Variants in ICA1 observed in about 807,000 individuals in gnomAD.
The protein encoded by ICA1 is 69 kDa islet cell autoantigen.
A neutral mutation model predicts 71.0 loss-of-function variants in ICA1; 40 were observed. That is an observed-to-expected ratio of 0.56 (90% CI 0.44 to 0.73). The LOEUF (loss-of-function observed/expected upper bound fraction) is 0.73. ICA1 is among the 30% of genes least tolerant of loss of function. ICA1 has a pLI of 0.00. For synonymous variants in ICA1, 207 were observed against 209.5 expected (o/e 0.99, Z 0.10); for missense variants, 578 against 576.5 (o/e 1.00, Z -0.03).
At chr7:8,141,704 C>G in intron 10 of ICA1, 61 bp downstream of exon 10, 1 of 1,053,414 alleles carries the variant, frequency 9.5e-7, no homozygotes, top group Non-Finnish European at 1.4e-6. Flanking sequence ...AGTAAAATGA[C>G]TTGGCTGTTA....
intron 13 of ICA1, among the ~76,000 whole-genome samples, chr7:8,125,765 C>T (rs1788932354): frequency 6.6e-6 from 1 of 152,162 alleles, no homozygotes; most frequent in Non-Finnish European, 1.5e-5. Flanking sequence ...GAGAGACTTG[C>T]TAAAGTGCTA....
chr7:8,126,538 TA>T (rs543328549), intron 13 of ICA1, among the ~76,000 whole-genome samples: 1 of 151,258 alleles, frequency 6.6e-6, no homozygotes, highest in Non-Finnish European at 1.5e-5. Context: ...GTATTTCATT[TA>T]AAAAAAAAGA....
intron 6 of ICA1, among the ~76,000 whole-genome samples, chr7:8,199,064 A>T (rs1216097040): frequency 6.6e-6 from 1 of 152,228 alleles, no homozygotes; most frequent in East Asian, 1.9e-4. Flanking sequence ...CCCCAGTTAA[A>T]ATGGCCTTTA....
intron 6 of ICA1, among the ~76,000 whole-genome samples, chr7:8,175,494 C>A (rs1243550239): frequency 1.3e-5 from 2 of 151,760 alleles, no homozygotes; most frequent in African/African-American, 4.9e-5. Flanking sequence ...ACTCCCTTCG[C>A]ATGCATGAAA....
intron 1 of ICA1, among the ~76,000 whole-genome samples, chr7:8,261,387 G>C (rs967375402): frequency 4.6e-5 from 7 of 152,124 alleles, no homozygotes; most frequent in Admixed American, 6.5e-5. Flanking sequence ...GAGGAAGCAG[G>C]AGCTGCAATA....
At position 8,221,240 on chromosome 7, in the gene ICA1, T is replaced by TC; in HGVS notation, c.380+34dup. ...AGGTGGGTCCCGGAGTCTCCTCAGATCCCCCCAGATAGAACCCCACTAAAG... is the reference window on the plus strand; with the variant it reads ...AGGTGGGTCCCGGAGTCTCCTCAGATCCCCCCCAGATAGAACCCCACTAAAG... On this transcript the variant is annotated intron_variant, in intron 5 of 13. Coordinates refer to ENST00000402384, the MANE Select transcript of ICA1 (RefSeq NM_001136020.3). The TC allele has an allele frequency of 4.3e-6, 7 of 1,611,608 alleles. No individual in the cohort carries two copies. The South Asian group carries it at 5.5e-5, about 13-fold the overall frequency.
At chr7:8,257,440 A>G (rs1224103032) in intron 1 of ICA1, among the ~76,000 whole-genome samples, 1 of 152,192 alleles carries the variant, frequency 6.6e-6, no homozygotes, top group Non-Finnish European at 1.5e-5. Context: ...ATACTCTTGG[A>G]ACATTGTTGC....
At chr7:8,116,027 T>C (rs915024264) in intron 13 of ICA1, among the ~76,000 whole-genome samples, 3 of 152,194 alleles carry the variant, frequency 2.0e-5, no homozygotes, top group African/African-American at 4.8e-5. Context: ...TTAGGTACAA[T>C]TTGATAAAGG....
intron 8 of ICA1, among the ~76,000 whole-genome samples, chr7:8,153,933 G>C (rs1800584635): frequency 6.6e-6 from 1 of 150,406 alleles, no homozygotes; most frequent in Admixed American, 6.7e-5. Flanking sequence ...TTTGTCATTG[G>C]AAACCACTTA....
At chr7:8,193,076 T>C (rs1374525532) in intron 6 of ICA1, among the ~76,000 whole-genome samples, 2 of 152,242 alleles carry the variant, frequency 1.3e-5, no homozygotes, top group Non-Finnish European at 2.9e-5. Context: ...ATATGCTCAC[T>C]GCTACTAGAG....
At chr7:8,245,974 G>A (rs924803267) in intron 1 of ICA1, among the ~76,000 whole-genome samples, 2 of 152,122 alleles carry the variant, frequency 1.3e-5, no homozygotes, top group African/African-American at 2.4e-5. Context: ...TATTTTCCCT[G>A]TAAAATTGAA....
At chr7:8,139,991 C>A (rs930846998) in intron 10 of ICA1, among the ~76,000 whole-genome samples, 1 of 152,082 alleles carries the variant, frequency 6.6e-6, no homozygotes, top group African/African-American at 2.4e-5. Flanking sequence ...ACAAGATGAT[C>A]GACATTTACA....
rs571538119 is a variant in ICA1, at chr7:8,150,957, T to C, written c.804+6159A>G. Among the ~76,000 whole-genome samples, 15 of 152,344 alleles carry C rather than the reference T, an allele frequency of 9.8e-5. No homozygotes were observed. In the South Asian group the frequency reaches 2.9e-3, roughly 29 times the overall value. ...GGGCATGCAGGCCCAGGCAAACGAC[T>C]AGACCTTTCTGAGTTTCTGTGTCCT... On this transcript the variant is annotated intron_variant, in intron 8 of 13. Transcript: ENST00000402384.
At chr7:8,127,742 T>C in intron 13 of ICA1, 131 bp downstream of exon 13, 1 of 938,052 alleles carries the variant, frequency 1.1e-6, no homozygotes, top group Non-Finnish European at 1.6e-6. Flanking sequence ...TGATTCTGAG[T>C]CTCCAGTTAA....
chr7:8,169,901 A>AGTGTGTGTGTGTGTGTGTGTGT (rs58794085), intron 6 of ICA1, among the ~76,000 whole-genome samples: 36 of 147,196 alleles, frequency 2.4e-4, no homozygotes, highest in East Asian at 6.0e-4. Context: ...TTAATGCCTG[A>AGTGTGTGTGTGTGTGTGTGTGT]GTGTGTGTGT....
chr7:8,141,714 A>C (rs1469812041), intron 10 of ICA1, 51 bp downstream of exon 10: 19 of 1,128,758 alleles, frequency 1.7e-5, no homozygotes, highest in Non-Finnish European at 2.3e-5. Context: ...CTTGGCTGTT[A>C]AGCATTAAGT....
chr7:8,185,193 G>A (rs1783530456), intron 6 of ICA1, among the ~76,000 whole-genome samples: 2 of 151,974 alleles, frequency 1.3e-5, no homozygotes, highest in Admixed American at 1.3e-4. Context: ...TTATGAAACA[G>A]TAAAGATGGC....
chr7:8,246,170 G>C (rs573675152), intron 1 of ICA1, among the ~76,000 whole-genome samples: 1 of 152,234 alleles, frequency 6.6e-6, no homozygotes, highest in African/African-American at 2.4e-5. Flanking sequence ...AAGCAAAGAA[G>C]GGCAAGTAAC....
At chr7:8,198,251 G>A (rs1377678001) in intron 6 of ICA1, among the ~76,000 whole-genome samples, 1 of 152,192 alleles carries the variant, frequency 6.6e-6, no homozygotes, top group Non-Finnish European at 1.5e-5. Flanking sequence ...CAGGTTGAAG[G>A]GAAATCATCC....
Sources: allele counts gnomAD v4.1 joint callset (sites outside exome capture counted in the v4.1 genomes callset), GRCh38; gene constraint gnomAD v4.1.1; transcripts MANE v1.5; gene names NCBI Gene and HGNC (gene_info 2026-07-23, HGNC 2026-07-21).